KLHL8: variants seen among roughly 807,000 people sequenced by gnomAD.
The protein encoded by KLHL8 is kelch like family member 8.
A neutral mutation model predicts 63.5 loss-of-function variants in KLHL8; 38 were observed. The ratio of observed to expected loss-of-function variants is 0.60; its 90% CI spans 0.46 to 0.78. The LOEUF (loss-of-function observed/expected upper bound fraction) is 0.78. Ranked by LOEUF, KLHL8 falls within the 30% of genes least tolerant of loss-of-function variation. KLHL8 has a pLI of 0.00. For missense variants in KLHL8, 566 were observed against 752.4 expected, an observed-to-expected ratio of 0.75 and a Z score of 2.90; for synonymous variants, 224 against 254.3, an observed-to-expected ratio of 0.88 and a Z score of 1.13.
In KLHL8 at chr4:87,164,030, G is replaced by A. The variant is rs1183203314; in HGVS notation, c.1587C>T (p.Pro529=). The A allele has an allele frequency of 6.2e-7, 1 of 1,614,038 alleles. No homozygotes were observed. Among genetic ancestry groups the A allele is most frequent in the East Asian group, 2.2e-5 (1 of 44,884 alleles). Residue 529 remains proline (P), a synonymous_variant, in exon 9 of 10, where the codon CCC becomes CCT. Coordinates refer to ENST00000273963, the MANE Select transcript of KLHL8 (RefSeq NM_020803.5). ...SPLSSVERYD[P]RSNKWDYVAA... The stretch of plus-strand genomic sequence containing the variant: ...CCACATAATCCCACTTGTTGCTTCG[G>A]GGGTCATACCGCTCAACTGAACTCA...
intron 6 of KLHL8, 47 bp from the exon 7 acceptor site, chr4:87,170,662 G>GAAAAAAAA: frequency 6.5e-7 from 1 of 1,528,412 alleles, no homozygotes; most frequent in Admixed American, 2.1e-5. Flanking sequence ...TTGTTTCCAG[G>GAAAAAAAA]AAAAAAAGTC....
intron 1 of KLHL8, among the ~76,000 whole-genome samples, chr4:87,217,496 G>A (rs1732643999): frequency 6.6e-6 from 1 of 151,814 alleles, no homozygotes; most frequent in Non-Finnish European, 1.5e-5. Flanking sequence ...CACCACATCT[G>A]GGTAATTTTT....
intron 1 of KLHL8, among the ~76,000 whole-genome samples, chr4:87,203,467 T>A (rs1448943401): frequency 4.0e-5 from 6 of 151,320 alleles, no homozygotes; most frequent in African/African-American, 1.5e-4. Flanking sequence ...GAGGCGGAGC[T>A]TGCAGTGAGC....
chr4:87,176,875 A>T lies in KLHL8; in HGVS notation c.1097-7T>A, dbSNP rs753682791. On this transcript the variant is annotated splice_region_variant and splice_polypyrimidine_tract_variant and intron_variant, in intron 5 of 9. Transcript: ENST00000273963. ...CCTACTGCATACACTTTACCTGTCA[A>T]ATAGAGAAGTATTTTCATTTGACTC... The T allele has an allele frequency of 2.7e-6, 4 of 1,459,154 alleles. No individual in the cohort carries two copies. The African/African-American group carries it at 5.6e-5, about 20-fold the overall frequency. 90.4% of individuals were successfully genotyped at this position (1,459,154 alleles called of 1,614,324 possible).
intron 8 of KLHL8, chr4:87,167,714 A>T: frequency 2.7e-6 from 1 of 372,884 alleles, no homozygotes; most frequent in Non-Finnish European, 5.3e-6. Flanking sequence ...CAAGAAGCCC[A>T]CTGACTGGAA....
intron 1 of KLHL8, chr4:87,220,133 G>T (rs1274185946): frequency 1.3e-5 from 2 of 152,430 alleles, no homozygotes; most frequent in African/African-American, 4.8e-5. Flanking sequence ...CGGGAGCCGG[G>T]AGCATAACCC....
At chr4:87,223,067 C>T (rs562601960), upstream of KLHL8, among the ~76,000 whole-genome samples, 39 of 152,202 alleles carry the variant, frequency 2.6e-4, no homozygotes, top group South Asian at 4.1e-4. Context: ...GGTGATTCTC[C>T]CACCTCCCGA....
At position 87,226,793 on chromosome 4, in the gene KLHL8, T is replaced by TTA. The variant is rs1733007619; in HGVS notation, n.58-5405_58-5404dup. Among the ~76,000 whole-genome samples the TTA allele has an allele frequency of 3.2e-4, 4 of 12,598 alleles. 1 individual carries two copies. Among genetic ancestry groups the TTA allele is most frequent in the Non-Finnish European group, 2.4e-4 (2 of 8,370 alleles). 8.3% of individuals were successfully genotyped at this position (12,598 alleles called of 152,430 possible). A position where few individuals can be genotyped will look rare whatever the true frequency, so the allele number is the denominator to read the frequency against. ...ATATATATTATATATATAATATATA[T>TTA]TATATATAATATATATTATATATAA... On this transcript the variant is annotated intron_variant and non_coding_transcript_variant, in intron 1 of 1. Coordinates refer to the KLHL8 transcript ENST00000506274.
At chr4:87,184,294 A>C (rs1731168807) in intron 3 of KLHL8, among the ~76,000 whole-genome samples, 1 of 151,502 alleles carries the variant, frequency 6.6e-6, no homozygotes, top group African/African-American at 2.4e-5. Context: ...GAATGCATAA[A>C]TATTGTGATA....
Position 87,216,745 on chromosome 4 carries a change from T to TA in KLHL8, c.-152+3672dup, listed in dbSNP as rs199916553. On this transcript the variant is annotated intron_variant, in intron 1 of 9. Coordinates refer to ENST00000273963, the MANE Select transcript of KLHL8 (RefSeq NM_020803.5). Reference sequence around the variant, plus strand: ...TACTTTCTTGCATGACCAACCCATTTAAAAAAAAAGCAGCTGACAGTATCT... The same window carrying TA: ...TACTTTCTTGCATGACCAACCCATTTAAAAAAAAAAGCAGCTGACAGTATCT... 2.5e-3 allele frequency among the ~76,000 whole-genome samples: 383 copies of TA among 151,388 alleles called. 1 individual carries two copies. The highest frequency in any genetic ancestry group is 8.5e-3 in the African/African-American group (351 of 41,310).
At chr4:87,167,126 A>T in intron 8 of KLHL8, 1 of 465,030 alleles carries the variant, frequency 2.2e-6, no homozygotes, top group East Asian at 5.0e-5. Flanking sequence ...AATTCGGGAA[A>T]CGTTATTTTA....
In KLHL8 at chr4:87,226,800, T is replaced by TAA. The variant is rs1422805948; in HGVS notation, n.58-5412_58-5411dup. 2.3e-4 allele frequency among the ~76,000 whole-genome samples: 3 copies of TAA among 13,082 alleles called. 1 individual carries two copies. Among genetic ancestry groups the TAA allele is most frequent in the African/African-American group, 1.6e-3 (3 of 1,848 alleles). 8.6% of individuals were successfully genotyped at this position (13,082 alleles called of 152,430 possible). On this transcript the variant is annotated intron_variant and non_coding_transcript_variant, in intron 1 of 1. Transcript: ENST00000506274. ...TTATATATATAATATATATTATATA[T>TAA]AATATATATTATATATAATATATAT...
chr4:87,215,076 G>A (rs1372976214), intron 1 of KLHL8, among the ~76,000 whole-genome samples: 1 of 152,174 alleles, frequency 6.6e-6, no homozygotes, highest in East Asian at 1.9e-4. Context: ...TGGAATTATA[G>A]GCGTGAGCCA....
chr4:87,183,857 A>G (rs1157602659), intron 3 of KLHL8, among the ~76,000 whole-genome samples: 1 of 152,226 alleles, frequency 6.6e-6, no homozygotes, highest in Non-Finnish European at 1.5e-5. Context: ...GTAAAAATTC[A>G]TATCTGAAAC....
chr4:87,173,925 T>A (rs866324205), intron 6 of KLHL8, among the ~76,000 whole-genome samples: 60 of 152,004 alleles, frequency 3.9e-4, no homozygotes, highest in African/African-American at 1.4e-3. Flanking sequence ...GGATTCTTTT[T>A]CATGAGGGGA....
At chr4:87,220,079 A>T (rs1732767428) in intron 1 of KLHL8, 1 of 152,662 alleles carries the variant, frequency 6.6e-6, no homozygotes, top group South Asian at 2.1e-4. Flanking sequence ...GGAGTCAAGG[A>T]GCTGCCGGGG....
chr4:87,182,557 C>T (rs186652601), intron 4 of KLHL8, among the ~76,000 whole-genome samples: 78 of 152,000 alleles, frequency 5.1e-4, no homozygotes, highest in African/African-American at 1.2e-3. Context: ...AAATATGTTA[C>T]GCTTTATAAA....
At chr4:87,181,197 T>C (rs1731038781) in intron 4 of KLHL8, among the ~76,000 whole-genome samples, 1 of 149,296 alleles carries the variant, frequency 6.7e-6, no homozygotes, top group African/African-American at 2.5e-5. Flanking sequence ...GAGGTTGAGG[T>C]GGGTGGATTA....
rs767031411 is a variant in KLHL8 at position 87,183,400 on chromosome 4, G to A, written c.766-11C>T. The A allele has an allele frequency of 2.6e-6, 4 of 1,563,728 alleles. No homozygotes were observed. Among genetic ancestry groups the A allele is most frequent in the Admixed American group, 3.5e-5 (2 of 56,414 alleles). On this transcript the variant is annotated splice_polypyrimidine_tract_variant and intron_variant, in intron 3 of 9. Coordinates refer to ENST00000273963, the MANE Select transcript of KLHL8 (RefSeq NM_020803.5). ...CAATGGCAGGCGAACCTAAGATCAT[G>A]AATAGTTGCAATACAACAAATTTTA... is the stretch of plus-strand genomic sequence containing the variant.
Sources: allele counts gnomAD v4.1 joint callset (sites outside exome capture counted in the v4.1 genomes callset), GRCh38; gene constraint gnomAD v4.1.1; transcripts MANE v1.5; gene names NCBI Gene and HGNC (gene_info 2026-07-23, HGNC 2026-07-21).